The following CFI variants were observed in gnomAD, a reference collection of about 807,000 sequenced individuals.
The protein encoded by CFI is C3B/C4B inactivator.
In CFI, 66 loss-of-function variants were observed where a neutral mutation model predicts 78.8. The observed-to-expected ratio is 0.84, with a 90% CI of 0.69 to 1.03. The LOEUF (loss-of-function observed/expected upper bound fraction) is 1.03, where lower values mean the gene tolerates loss of function less well. CFI is among the 50% of genes least tolerant of loss of function. The pLI, the probability that CFI is intolerant of heterozygous loss-of-function variation, is 0.00. For missense variants in CFI, 706 were observed against 704.5 expected, an observed-to-expected ratio of 1.00 and a Z score of -0.02; for synonymous variants, 250 against 232.6, an observed-to-expected ratio of 1.07 and a Z score of -0.68.
In CFI at chr4:109,786,610, G is replaced by A. The variant is rs537480143; in HGVS notation, c.57+15305C>T. Among the ~76,000 whole-genome samples, 48 of 152,152 alleles carry A rather than the reference G, an allele frequency of 3.2e-4. 2 individuals carry two copies. The South Asian group carries it at 9.5e-3, about 30-fold the overall frequency. On this transcript the variant is annotated intron_variant, in intron 1 of 12. Coordinates refer to ENST00000394634, the MANE Select transcript of CFI (RefSeq NM_000204.5). ...CATGATCAGTTATGATTAAAGCAAG[G>A]AAAAGTCCACCCCTTTCCCTTTCTT...
chr4:109,752,271 A>G (rs1725237475), intron 8 of CFI, among the ~76,000 whole-genome samples, 197 bp downstream of exon 8: 2 of 152,196 alleles, frequency 1.3e-5, no homozygotes, highest in South Asian at 4.1e-4. Flanking sequence ...ATCCAGTTTT[A>G]AAAGCAATTC....
intron 1 of CFI, among the ~76,000 whole-genome samples, chr4:109,789,855 T>C (rs1034617710): frequency 6.6e-6 from 1 of 152,114 alleles, no homozygotes; most frequent in Non-Finnish European, 1.5e-5. Flanking sequence ...TGTTCCCTCC[T>C]CTTTACCTTT....
chr4:109,749,158 T>C, intron 10 of CFI, 60 bp downstream of exon 10: 1 of 1,383,232 alleles, frequency 7.2e-7, no homozygotes. Context: ...TCTGCCACAA[T>C]CTCTATTACT....
At position 109,756,969 on chromosome 4, in the gene CFI, GA is replaced by G. The variant is rs1561298119; in HGVS notation, c.904+793del. On this transcript the variant is annotated intron_variant, in intron 7 of 12. Coordinates refer to ENST00000394634, the MANE Select transcript of CFI (RefSeq NM_000204.5). ...AGAAAGAAAGAAAGAAAGAAAGAAA[GA>G]AAGAAAGAAATTCTGAGGAGGATCA... Among the ~76,000 whole-genome samples the G allele has an allele frequency of 7.4e-4, 99 of 134,170 alleles. 1 individual carries two copies. Among genetic ancestry groups the G allele is most frequent in the African/African-American group, 2.6e-3 (97 of 36,826 alleles). 88.0% of individuals were successfully genotyped at this position (134,170 alleles called of 152,430 possible).
At chr4:109,742,438 G>A (rs1723913147) in intron 12 of CFI, 53 bp downstream of exon 12, 1 of 1,190,460 alleles carries the variant, frequency 8.4e-7, no homozygotes, top group African/African-American at 1.5e-5. Flanking sequence ...GGAGATGTTT[G>A]ATAGGGGAAA....
At chr4:109,767,783 C>T (rs1294180975) in intron 1 of CFI, among the ~76,000 whole-genome samples, 3 of 151,654 alleles carry the variant, frequency 2.0e-5, no homozygotes, top group African/African-American at 2.4e-5. Flanking sequence ...CATTACTGGG[C>T]ATATACCCAA....
At chr4:109,764,734 C>T (rs763674629) in intron 2 of CFI, 44 bp from the exon 3 acceptor site, 5 of 1,555,916 alleles carry the variant, frequency 3.2e-6, no homozygotes, top group Non-Finnish European at 2.6e-6. Context: ...TAGCCATTCA[C>T]TTTTTTCTCT....
chr4:109,794,547 T>A (rs1731806828), intron 1 of CFI: 1 of 152,208 alleles, frequency 6.6e-6, no homozygotes, highest in African/African-American at 2.4e-5. Flanking sequence ...ATCCCAGCAC[T>A]TTGGGAGGGT....
At chr4:109,748,043 T>C (rs895603962) in intron 10 of CFI, among the ~76,000 whole-genome samples, 41 of 152,282 alleles carry the variant, frequency 2.7e-4, no homozygotes, top group African/African-American at 9.6e-4. Context: ...GGGTAGAGTA[T>C]CCCTGATCTA....
chr4:109,756,949 GAAA>G lies in CFI; in HGVS notation c.904+811_904+813del, dbSNP rs1561297932. 3.6e-4 allele frequency among the ~76,000 whole-genome samples: 51 copies of G among 142,644 alleles called. 2 individuals carry two copies. The South Asian group carries it at 9.8e-3, about 27-fold the overall frequency. 93.6% of individuals were successfully genotyped at this position (142,644 alleles called of 152,430 possible). A position where few individuals can be genotyped will look rare whatever the true frequency, so the allele number is the denominator to read the frequency against. ...AGAAAGAAAGAAAGAAAGAAAGAAA[GAAA>G]GAAAGAAAGAAAGAAAGAAAGAAAG... On this transcript the variant is annotated intron_variant, in intron 7 of 12. Transcript: ENST00000394634.
Position 109,792,700 on chromosome 4 carries a change from A to G in CFI, c.57+9215T>C, listed in dbSNP as rs561424701. Among the ~76,000 whole-genome samples the G allele has an allele frequency of 3.3e-5, 5 of 152,162 alleles. No homozygotes were observed. The East Asian group carries it at 7.7e-4, about 23-fold the overall frequency. ...TATTCATAATTGTTATATATTCCTG[A>G]AGAATTGACCCTTTCATTAATATAT... On this transcript the variant is annotated intron_variant, in intron 1 of 12. Transcript: ENST00000394634.
chr4:109,766,858 C>A, intron 1 of CFI, 34 bp from the exon 2 acceptor site: 1 of 1,609,020 alleles, frequency 6.2e-7, no homozygotes, highest in Middle Eastern at 1.7e-4. Flanking sequence ...AACTTAGCAA[C>A]AAATTAAAGA....
At chr4:109,754,670 TG>T (rs1725905307) in intron 7 of CFI, among the ~76,000 whole-genome samples, 1 of 152,102 alleles carries the variant, frequency 6.6e-6, no homozygotes, top group African/African-American at 2.4e-5. Context: ...AAGTTCTCTT[TG>T]GGACAGGCAT....
chr4:109,787,249 G>C (rs908124361), intron 1 of CFI, among the ~76,000 whole-genome samples: 8 of 152,252 alleles, frequency 5.3e-5, no homozygotes, highest in Non-Finnish European at 8.8e-5. Flanking sequence ...CTATATAACT[G>C]TTGTCTTTCT....
intron 2 of CFI, 96 bp from the exon 3 acceptor site, chr4:109,764,786 G>C: frequency 1.7e-6 from 2 of 1,154,074 alleles, no homozygotes; most frequent in Non-Finnish European, 2.5e-6. Flanking sequence ...TTAATGTCAA[G>C]TGAGCTTTGA....
chr4:109,764,400 T>C (rs1216297938), intron 3 of CFI, 137 bp downstream of exon 3: 6 of 987,290 alleles, frequency 6.1e-6, no homozygotes, highest in Admixed American at 1.8e-5. Flanking sequence ...ATCATCCTCA[T>C]AACAATGCTA....
rs1727057971 is a variant in CFI, at chr4:109,761,557, G to A, written c.618C>T (p.Tyr206=). Residue 206 remains tyrosine (Y), a synonymous_variant, in exon 4 of 13, where the codon TAC becomes TAT. Coordinates refer to ENST00000394634, the MANE Select transcript of CFI (RefSeq NM_000204.5). ...CTFTKRRTMG[Y]QDFADVVCYT... is the part of the protein sequence containing the mutation. ...AACAAACCACATCAGCGAAATCCTG[G>A]TAACCCATAGTTCTTCTCTTAGTAA... 1 of 1,614,068 alleles carries A rather than the reference G, an allele frequency of 6.2e-7. No homozygotes were observed.
chr4:109,754,792 A>G (rs1161195021), intron 7 of CFI, among the ~76,000 whole-genome samples: 1 of 152,212 alleles, frequency 6.6e-6, no homozygotes, highest in Non-Finnish European at 1.5e-5. Flanking sequence ...TCAAATATTC[A>G]CATTCAATGC....
downstream of CFI, among the ~76,000 whole-genome samples, chr4:109,736,477 ATTAATAG>A (rs1402594762): frequency 1.3e-5 from 2 of 151,668 alleles, no homozygotes; most frequent in East Asian, 3.9e-4. Context: ...AGTCAATGGC[ATTAATAG>A]CTTTCAAGCT....
Sources: gnomAD v4.1 joint callset for allele counts (sites outside exome capture counted in the v4.1 genomes callset) on GRCh38, gnomAD v4.1.1 for gene constraint, MANE v1.5 for transcripts, NCBI Gene and HGNC (gene_info 2026-07-23, HGNC 2026-07-21) for gene names.